Variants in LRRIQ1 observed in about 807,000 individuals in gnomAD.
LRRIQ1 encodes the protein leucine rich repeats and IQ motif containing 1.
In LRRIQ1, 210 loss-of-function variants were observed where a neutral mutation model predicts 211.9. The observed-to-expected ratio is 0.99, with a 90% CI of 0.89 to 1.11. The LOEUF (loss-of-function observed/expected upper bound fraction) is 1.11. Among genes scored for constraint, LRRIQ1 ranks in the 50% most tolerant of loss-of-function variants. The pLI, the probability that LRRIQ1 is intolerant of heterozygous loss-of-function variation, is 0.00. For synonymous variants in LRRIQ1, 699 were observed against 650.1 expected, an observed-to-expected ratio of 1.08 and a Z score of -1.14; for missense variants, 2,136 against 1,939.5, an observed-to-expected ratio of 1.10 and a Z score of -1.90.
At chr12:85,122,564 T>C (rs1441869616) in intron 16 of LRRIQ1, among the ~76,000 whole-genome samples, 1 of 152,154 alleles carries the variant, frequency 6.6e-6, no homozygotes, top group Non-Finnish European at 1.5e-5. Flanking sequence ...TTACAATGAC[T>C]CTTCATTGCA....
At position 85,065,293 on chromosome 12, in the gene LRRIQ1, G is replaced by C. The variant is rs138190235; in HGVS notation, c.2423G>C (p.Gly808Ala). The C allele has an allele frequency of 2.5e-4, 396 of 1,610,030 alleles. 2 individuals are homozygous for C. The highest frequency in any genetic ancestry group is 8.3e-4 in the Middle Eastern group (5 of 6,032). The change falls in exon 9 of 27, where the codon GGC (glycine) becomes GCC (alanine). Residue 808 changes from glycine (G) to alanine (A), a missense_variant. Coordinates refer to ENST00000393217, the MANE Select transcript of LRRIQ1 (RefSeq NM_001079910.2). ...VTTVTFQDLP[G>A]CVLSTLAECT... ...ACAGTTACATTTCAAGATTTGCCAGGCTGTGTTCTCTCCACACTGGCAGAG... is the reference window on the plus strand; with the variant it reads ...ACAGTTACATTTCAAGATTTGCCAGCCTGTGTTCTCTCCACACTGGCAGAG...
intron 24 of LRRIQ1, among the ~76,000 whole-genome samples, chr12:85,214,267 A>G (rs972675758): frequency 1.3e-5 from 2 of 152,132 alleles, no homozygotes; most frequent in African/African-American, 4.8e-5. Context: ...AAGACTAAAT[A>G]TTAAAGAACT....
intron 18 of LRRIQ1, among the ~76,000 whole-genome samples, chr12:85,135,384 T>A (rs1355111207): frequency 6.6e-6 from 1 of 151,920 alleles, no homozygotes; most frequent in Non-Finnish European, 1.5e-5. Flanking sequence ...TAGTATCTGG[T>A]TGCCTCTCTT....
chr12:85,183,783 A>G (rs1892103244), intron 24 of LRRIQ1, among the ~76,000 whole-genome samples: 1 of 152,116 alleles, frequency 6.6e-6, no homozygotes, highest in African/African-American at 2.4e-5. Context: ...AAACTCAGGT[A>G]AGGTCTTAAT....
chr12:85,198,096 T>C (rs1455715380), intron 24 of LRRIQ1, among the ~76,000 whole-genome samples: 6 of 117,170 alleles, frequency 5.1e-5, no homozygotes, highest in Middle Eastern at 3.8e-3. Flanking sequence ...TTATATTATA[T>C]ATTATATTAT....
chr12:85,236,885 C>T (rs577375493), intron 26 of LRRIQ1, among the ~76,000 whole-genome samples: 2 of 122,894 alleles, frequency 1.6e-5, no homozygotes, highest in Admixed American at 1.6e-4. Flanking sequence ...ATACAGCCAT[C>T]AAAGAATATA....
chr12:85,052,773 C>T (rs946259306), intron 7 of LRRIQ1, among the ~76,000 whole-genome samples: 1 of 151,938 alleles, frequency 6.6e-6, no homozygotes, highest in Non-Finnish European at 1.5e-5. Flanking sequence ...TATAAACCCG[C>T]TCCTGCAAAA....
chr12:85,127,787 A>G (rs761289112), intron 17 of LRRIQ1, 45 bp from the exon 18 acceptor site: 5 of 1,530,910 alleles, frequency 3.3e-6, no homozygotes, highest in Non-Finnish European at 4.5e-6. Flanking sequence ...CTCTGTATTT[A>G]CAGATAATAA....
chr12:85,098,471 C>T lies in LRRIQ1; in HGVS notation c.3004C>T (p.His1002Tyr), dbSNP rs1886087888. 2 of 1,612,034 alleles carry T rather than the reference C, an allele frequency of 1.2e-6. No homozygotes were observed. Among genetic ancestry groups the T allele is most frequent in the East Asian group, 2.2e-5 (1 of 44,716 alleles). ...TGTATACCTAGATTGCTCCCATAATCATCTTACTGATGTAGAGGGCGTTGA... is the reference window on the plus strand; with the variant it reads ...TGTATACCTAGATTGCTCCCATAATTATCTTACTGATGTAGAGGGCGTTGA... ...TIVYLDCSHNHLTDVEGVENC... is the reference protein window; with the variant it reads ...TIVYLDCSHNYLTDVEGVENC... Residue 1002 changes from histidine to tyrosine, a missense_variant, in exon 12 of 27, where the codon CAT becomes TAT. By Grantham distance (83) the His-to-Tyr change is moderately conservative. Transcript: ENST00000393217.
At chr12:85,042,985 G>GT (rs1217007590) in intron 3 of LRRIQ1, among the ~76,000 whole-genome samples, 1 of 151,978 alleles carries the variant, frequency 6.6e-6, no homozygotes, top group East Asian at 1.9e-4. Flanking sequence ...TAGGCAGTAA[G>GT]TTTTTTTGTT....
At chr12:85,245,317 A>AT (rs910980760), downstream of LRRIQ1, among the ~76,000 whole-genome samples, 1 of 151,114 alleles carries the variant, frequency 6.6e-6, no homozygotes, top group Admixed American at 6.6e-5. Context: ...TCCAAAGATA[A>AT]TTTTTTTAAA....
chr12:85,089,874 T>C (rs569002091), intron 11 of LRRIQ1, among the ~76,000 whole-genome samples: 5 of 152,174 alleles, frequency 3.3e-5, no homozygotes, highest in Non-Finnish European at 7.4e-5. Context: ...TTGCTAGAGA[T>C]ATTTGCATGA....
chr12:85,252,479 T>C (rs1192961400), intron 1 of LRRIQ1, among the ~76,000 whole-genome samples: 1 of 151,950 alleles, frequency 6.6e-6, no homozygotes, highest in African/African-American at 2.4e-5. Context: ...GTTATTAAAG[T>C]GTATGAAGTT....
At chr12:85,097,583 T>C (rs1248818879) in intron 11 of LRRIQ1, among the ~76,000 whole-genome samples, 1 of 152,182 alleles carries the variant, frequency 6.6e-6, no homozygotes, top group South Asian at 2.1e-4. Context: ...ACAAAGGACA[T>C]GAACTCATCC....
chr12:85,126,305 G>A (rs1309233986), intron 17 of LRRIQ1, among the ~76,000 whole-genome samples: 5 of 150,798 alleles, frequency 3.3e-5, no homozygotes, highest in Admixed American at 2.6e-4. Flanking sequence ...CACAGTTACA[G>A]TTCGTGAAAC....
intron 24 of LRRIQ1, among the ~76,000 whole-genome samples, chr12:85,189,609 C>A (rs1184658275): frequency 6.6e-6 from 1 of 151,502 alleles, no homozygotes; most frequent in African/African-American, 2.4e-5. Context: ...CTGAAAGTCA[C>A]CATGAAAAGT....
chr12:85,091,050 G>T (rs932125460), intron 11 of LRRIQ1, among the ~76,000 whole-genome samples: 1 of 152,088 alleles, frequency 6.6e-6, no homozygotes, highest in Non-Finnish European at 1.5e-5. Flanking sequence ...TGGTTTAAAA[G>T]TGTGTGGCAT....
chr12:85,221,287 T>G (rs1463116563), intron 24 of LRRIQ1, among the ~76,000 whole-genome samples: 2 of 152,170 alleles, frequency 1.3e-5, no homozygotes, highest in Admixed American at 1.3e-4. Context: ...CTAGTTCTAC[T>G]TTTCTCAGGG....
At position 85,118,615 on chromosome 12, in the gene LRRIQ1, C is replaced by A. The variant is rs187114126; in HGVS notation, c.3378-3082C>A. On this transcript the variant is annotated intron_variant, in intron 15 of 26. Coordinates refer to ENST00000393217, the MANE Select transcript of LRRIQ1 (RefSeq NM_001079910.2). Reference sequence around the variant, plus strand: ...AAGATTATAACTATACACAGAGATACATTATTACTTTGGTTGGCCCTAGGC... The same window carrying A: ...AAGATTATAACTATACACAGAGATAAATTATTACTTTGGTTGGCCCTAGGC... 3.6e-4 allele frequency among the ~76,000 whole-genome samples: 54 copies of A among 149,378 alleles called. 1 individual carries two copies. The Admixed American group carries it at 3.7e-3, about 10-fold the overall frequency.
Sources: gnomAD v4.1 joint callset for allele counts (sites outside exome capture counted in the v4.1 genomes callset) on GRCh38, gnomAD v4.1.1 for gene constraint, MANE v1.5 for transcripts, NCBI Gene and HGNC (gene_info 2026-07-23, HGNC 2026-07-21) for gene names.